The following PCDHGB3 variants were observed in gnomAD, a reference collection of about 807,000 sequenced individuals.
PCDHGB3 encodes protocadherin gamma-B3.
Under a neutral mutation model 59.2 loss-of-function variants are expected in PCDHGB3, and 40 were observed. The observed-to-expected ratio is 0.68, with a 90% CI of 0.52 to 0.88. The LOEUF (loss-of-function observed/expected upper bound fraction) is 0.88. PCDHGB3 is among the 40% of genes least tolerant of loss of function. The pLI, the probability that PCDHGB3 is intolerant of heterozygous loss-of-function variation, is 0.00. For synonymous variants in PCDHGB3, 581 were observed against 503.6 expected, an observed-to-expected ratio of 1.15 and a Z score of -2.06; for missense variants, 1,309 against 1,187.9, an observed-to-expected ratio of 1.10 and a Z score of -1.50.
At chr5:141,463,581 T>TG (rs2099064477) in intron 1 of PCDHGB3, among the ~76,000 whole-genome samples, 1 of 151,502 alleles carries the variant, frequency 6.6e-6, no homozygotes, top group Non-Finnish European at 1.5e-5. Context: ...CCCGAGTAGC[T>TG]GGGACTACAG....
chr5:141,491,243 ATGAGGACCC>A lies in PCDHGB3; in HGVS notation c.2416-3557_2416-3549del. 1 of 1,614,200 alleles carries A rather than the reference ATGAGGACCC, an allele frequency of 6.2e-7. No individual in the cohort carries two copies. Among genetic ancestry groups the A allele is most frequent in the African/African-American group, 1.3e-5 (1 of 75,056 alleles). ...GCCACAGTGCTGCTGGTTCTGGAGG[ATGAGGACCC>A]TGAGGAAATGCCCAAATCCAGTGAC... On this transcript the variant is annotated intron_variant, in intron 1 of 3. Coordinates refer to ENST00000576222, the MANE Select transcript of PCDHGB3 (RefSeq NM_018924.5). This position sits in a 1 kb window ranked among gnomAD's most constrained non-coding sequence, Gnocchi z 6.9.
intron 2 of PCDHGB3, 114 bp from the exon 3 acceptor site, chr5:141,505,279 C>T: frequency 6.5e-7 from 1 of 1,541,274 alleles, no homozygotes; most frequent in Non-Finnish European, 8.7e-7. Context: ...AGAAACAGGT[C>T]TTGGGCATGG....
At chr5:141,448,114 A>G (rs1483138819) in intron 1 of PCDHGB3, among the ~76,000 whole-genome samples, 1 of 151,948 alleles carries the variant, frequency 6.6e-6, no homozygotes, top group Non-Finnish European at 1.5e-5. Flanking sequence ...AGAAAAGAAA[A>G]TTAGCCTCCC....
chr5:141,379,104 A>C (rs955091727), intron 1 of PCDHGB3: 1 of 152,246 alleles, frequency 6.6e-6, no homozygotes, highest in Admixed American at 6.5e-5. Flanking sequence ...AGAAAAAAGC[A>C]ATTGAGAAGA....
chr5:141,394,475 C>T (rs1205262995), intron 1 of PCDHGB3: 1 of 1,614,242 alleles, frequency 6.2e-7, no homozygotes, highest in South Asian at 1.1e-5. Context: ...TCGTGCTGGA[C>T]CAGAATGACA....
intron 1 of PCDHGB3, among the ~76,000 whole-genome samples, chr5:141,445,007 G>T (rs771023003): frequency 1.3e-5 from 2 of 151,994 alleles, no homozygotes; most frequent in African/African-American, 4.8e-5. Flanking sequence ...ATTTAATTAG[G>T]TCTTTAATTT....
At chr5:141,421,889 C>T (rs1280668349) in intron 1 of PCDHGB3, 5 of 1,613,574 alleles carry the variant, frequency 3.1e-6, no homozygotes, top group African/African-American at 1.3e-5. Flanking sequence ...GGAGGCGATC[C>T]CATCCGAAAG....
chr5:141,466,118 G>A lies in PCDHGB3; in HGVS notation c.2416-28689G>A, dbSNP rs1299389265. ...GCCTGGGCAACAGAGTGAGACTCCA[G>A]CTCAAAAAAAAAATCAAGTGAAAAC... On this transcript the variant is annotated intron_variant, in intron 1 of 3. Coordinates refer to ENST00000576222, the MANE Select transcript of PCDHGB3 (RefSeq NM_018924.5). Among the ~76,000 whole-genome samples the A allele has an allele frequency of 2.0e-5, 3 of 151,096 alleles. No individual in the cohort carries two copies. The East Asian group carries it at 5.8e-4, about 29-fold the overall frequency.
In PCDHGB3 at chr5:141,512,267, G is replaced by C. The variant is rs2099884152; in HGVS notation, c.*1094G>C. On this transcript the variant is annotated 3_prime_UTR_variant, in exon 4 of 4. Coordinates refer to ENST00000576222, the MANE Select transcript of PCDHGB3 (RefSeq NM_018924.5). ...GCCTCTGTGGGTGCTGGGTACTCCA[G>C]AGGTGCCACTGGTGGAAGGGTCAGC... 2.6e-5 allele frequency: 4 copies of C among 152,744 alleles called. No homozygotes were observed. Among genetic ancestry groups the C allele is most frequent in the Admixed American group, 2.6e-4 (4 of 15,290 alleles). 9.5% of individuals were successfully genotyped at this position (152,744 alleles called of 1,614,324 possible). A position where few individuals can be genotyped will look rare whatever the true frequency, so the allele number is the denominator to read the frequency against.
intron 1 of PCDHGB3, chr5:141,374,655 A>T (rs1490179096): frequency 2.2e-5 from 36 of 1,611,798 alleles, no homozygotes; most frequent in Non-Finnish European, 3.1e-5. Flanking sequence ...GGGCCCAAGT[A>T]CCCGGAGCTG....
intron 1 of PCDHGB3, among the ~76,000 whole-genome samples, chr5:141,406,747 CA>C (rs889749071): frequency 1.2e-4 from 19 of 152,168 alleles, no homozygotes; most frequent in Non-Finnish European, 2.1e-4. Flanking sequence ...TGTGAAATGA[CA>C]AAACAAGGAA....
chr5:141,477,988 C>T lies in PCDHGB3; in HGVS notation c.2416-16819C>T, dbSNP rs771241128. The T allele has an allele frequency of 6.2e-7, 1 of 1,614,160 alleles. No individual in the cohort carries two copies. Among genetic ancestry groups the T allele is most frequent in the Non-Finnish European group, 8.5e-7 (1 of 1,180,032 alleles). On this transcript the variant is annotated intron_variant, in intron 1 of 3. Coordinates refer to ENST00000576222, the MANE Select transcript of PCDHGB3 (RefSeq NM_018924.5). This position sits in a 1 kb window ranked among gnomAD's most constrained non-coding sequence, Gnocchi z 4.9. ...AGAGCCTTTTTGCCATAGGGCTGCA[C>T]ACTGGTCAAATCAGTACTGCCCGTC...
At chr5:141,420,742 A>G (rs967908996) in intron 1 of PCDHGB3, among the ~76,000 whole-genome samples, 3 of 152,372 alleles carry the variant, frequency 2.0e-5, no homozygotes, top group African/African-American at 7.2e-5. Context: ...AATCAATTGG[A>G]ACCAACTACA....
At chr5:141,499,966 G>A (rs1403177792) in intron 2 of PCDHGB3, among the ~76,000 whole-genome samples, 1 of 151,988 alleles carries the variant, frequency 6.6e-6, no homozygotes, top group African/African-American at 2.4e-5. Flanking sequence ...GGGATTACAG[G>A]TGTGAGCCAC....
intron 1 of PCDHGB3, chr5:141,414,898 G>T: frequency 6.2e-7 from 1 of 1,614,190 alleles, no homozygotes; most frequent in East Asian, 2.2e-5. Context: ...CCCCACAGAC[G>T]GTTCCACAGG....
At chr5:141,405,410 T>C (rs1483035668) in intron 1 of PCDHGB3, 2 of 1,557,296 alleles carry the variant, frequency 1.3e-6, no homozygotes, top group Non-Finnish European at 1.8e-6. Context: ...TTCTTTTCTT[T>C]TTTTGTTTTT....
intron 1 of PCDHGB3, among the ~76,000 whole-genome samples, chr5:141,437,236 C>A (rs2154557405): frequency 6.6e-6 from 1 of 152,278 alleles, no homozygotes; most frequent in South Asian, 2.1e-4. Context: ...AAAATTATGT[C>A]AAGGACTTTC....
intron 1 of PCDHGB3, among the ~76,000 whole-genome samples, chr5:141,438,615 TATATATATATATATATATATACACACAC>T (rs2098021754): frequency 1.1e-4 from 4 of 35,920 alleles, no homozygotes; most frequent in Non-Finnish European, 1.8e-4. Flanking sequence ...TATATATATA[TATATATATATATATATATATACACACAC>T]ACACACACAT....
chr5:141,376,466 C>G, intron 1 of PCDHGB3: 3 of 1,614,200 alleles, frequency 1.9e-6, no homozygotes, highest in Non-Finnish European at 2.5e-6. Flanking sequence ...TCTGATAACT[C>G]AGGATTTACT....
Sources: gnomAD v4.1 joint callset for allele counts (sites outside exome capture counted in the v4.1 genomes callset) on GRCh38, gnomAD v4.1.1 for gene constraint, Gnocchi (gnomAD v3.1) non-coding constraint, MANE v1.5 for transcripts, NCBI Gene and HGNC (gene_info 2026-07-23, HGNC 2026-07-21) for gene names.